The following ADAMTS17 variants were observed in gnomAD, a reference collection of about 807,000 sequenced individuals.
ADAMTS17 encodes the protein ADAM metallopeptidase with thrombospondin type 1 motif 17, also known as A disintegrin and metalloproteinase with thrombospondin motifs 17.
In ADAMTS17, 113 loss-of-function variants were observed where a neutral mutation model predicts 141.5. The ratio of observed to expected loss-of-function variants is 0.80; its 90% CI spans 0.69 to 0.93. The LOEUF is 0.93. Among genes scored for constraint, ADAMTS17 ranks in the 40% least tolerant of loss-of-function variants. The probability of loss-of-function intolerance (pLI) is 0.00; values close to 1 mark genes in which losing one functional copy is unlikely to be tolerated. For synonymous variants in ADAMTS17, 768 were observed against 630.6 expected, an observed-to-expected ratio of 1.22 and a Z score of -3.27; for missense variants, 1,659 against 1,517.9, an observed-to-expected ratio of 1.09 and a Z score of -1.54.
At chr15:100,143,913 A>G (rs2038776553) in intron 10 of ADAMTS17, among the ~76,000 whole-genome samples, 1 of 152,202 alleles carries the variant, frequency 6.6e-6, no homozygotes. Context: ...ATGAATTGCG[A>G]GTGGCAGAAG....
rs539067232 is a variant in ADAMTS17 at position 99,993,361 on chromosome 15, G to A, written c.2797-161C>T. ...AAGCTCCTGGTCTGCAGGGTCTTAC[G>A]CACGTGGTCCCAGCTGGGGCCCCAG... On this transcript the variant is annotated intron_variant, in intron 19 of 21. Coordinates refer to ENST00000268070, the MANE Select transcript of ADAMTS17 (RefSeq NM_139057.4). This position sits in a 1 kb window ranked among gnomAD's most constrained non-coding sequence, Gnocchi z 4.3. Among the ~76,000 whole-genome samples the A allele has an allele frequency of 2.7e-4, 41 of 152,292 alleles. No individual in the cohort carries two copies. The highest frequency in any genetic ancestry group is 2.1e-4 in the South Asian group (1 of 4,828).
intron 15 of ADAMTS17, among the ~76,000 whole-genome samples, chr15:100,060,078 TG>T (rs1156907445): frequency 6.6e-6 from 1 of 152,230 alleles, no homozygotes; most frequent in African/African-American, 2.4e-5. Context: ...TTTGATTTTA[TG>T]GGCAATTAAC....
rs572994891 is a variant in ADAMTS17 at position 100,108,922 on chromosome 15, T to A, written c.2016+67A>T. ...TCCTGAGACCTCTGCTCTACCCCACTCCCTGTCTGGGGAGAGTGAGTCTCC... is the reference window on the plus strand; with the variant it reads ...TCCTGAGACCTCTGCTCTACCCCACACCCTGTCTGGGGAGAGTGAGTCTCC... On this transcript the variant is annotated intron_variant, in intron 14 of 21. Transcript: ENST00000268070. The A allele has an allele frequency of 1.9e-6, 3 of 1,608,772 alleles. No individual in the cohort carries two copies. The African/African-American group carries it at 4.0e-5, about 21-fold the overall frequency.
chr15:100,199,990 G>T (rs1339118308), intron 7 of ADAMTS17, among the ~76,000 whole-genome samples: 3 of 152,232 alleles, frequency 2.0e-5, no homozygotes, highest in African/African-American at 4.8e-5. Flanking sequence ...GCCCCGGAAG[G>T]CTGCACAGAA....
intron 12 of ADAMTS17, among the ~76,000 whole-genome samples, chr15:100,118,134 A>G (rs1469375757): frequency 6.6e-6 from 1 of 152,234 alleles, no homozygotes; most frequent in East Asian, 1.9e-4. Flanking sequence ...GTTTCTGTGA[A>G]GGGCCAGATA....
At chr15:100,158,437 T>G (rs528981713) in intron 8 of ADAMTS17, among the ~76,000 whole-genome samples, 1 of 152,252 alleles carries the variant, frequency 6.6e-6, no homozygotes, top group Admixed American at 6.5e-5. Flanking sequence ...TTTCTTTAAC[T>G]GTATTTCACA....
intron 14 of ADAMTS17, among the ~76,000 whole-genome samples, chr15:100,098,514 GCACGCACCTATGGTGA>G (rs895719477): frequency 2.0e-4 from 31 of 152,122 alleles, no homozygotes; most frequent in Middle Eastern, 3.4e-3. Flanking sequence ...AGGCATGGTG[GCACGCACCTATGGTGA>G]CACGCACCTG....
intron 21 of ADAMTS17, 40 bp downstream of exon 21, chr15:99,976,005 C>T: frequency 1.3e-6 from 2 of 1,533,158 alleles, no homozygotes; most frequent in Non-Finnish European, 1.8e-6. Flanking sequence ...GCAGGAGACA[C>T]AGCAGCCCCC....
At chr15:100,281,053 G>A (rs756343077) in intron 4 of ADAMTS17, among the ~76,000 whole-genome samples, 176 bp downstream of exon 4, 3 of 152,128 alleles carry the variant, frequency 2.0e-5, no homozygotes, top group East Asian at 1.9e-4. Flanking sequence ...CTCTTCCATC[G>A]GGATGTCCCC....
chr15:100,085,381 A>G (rs1280416014), intron 15 of ADAMTS17, among the ~76,000 whole-genome samples: 1 of 137,754 alleles, frequency 7.3e-6, no homozygotes, highest in East Asian at 2.4e-4. Flanking sequence ...TGGACCTGAA[A>G]GTGACGAGGA....
intron 7 of ADAMTS17, among the ~76,000 whole-genome samples, chr15:100,247,800 T>C (rs2043032879): frequency 6.6e-6 from 1 of 152,138 alleles, no homozygotes. Flanking sequence ...CTTGGTTTCA[T>C]GGCCTCATGG....
chr15:100,066,374 C>A (rs1219886193), intron 15 of ADAMTS17, among the ~76,000 whole-genome samples: 1 of 118,616 alleles, frequency 8.4e-6, no homozygotes, highest in African/African-American at 2.9e-5. Context: ...TATGGATACA[C>A]GTCTTAGATT....
intron 7 of ADAMTS17, among the ~76,000 whole-genome samples, chr15:100,223,064 G>C (rs1234031978): frequency 2.0e-5 from 3 of 152,190 alleles, no homozygotes; most frequent in African/African-American, 7.2e-5. Context: ...AAAGATGCGG[G>C]TGCAGGAACA....
intron 18 of ADAMTS17, among the ~76,000 whole-genome samples, chr15:100,037,018 A>AT (rs1367422051): frequency 1.3e-5 from 2 of 152,196 alleles, no homozygotes; most frequent in Admixed American, 6.5e-5. Flanking sequence ...TACTATGAAC[A>AT]TTTGTGTACA....
chr15:100,098,599 G>C (rs1356136013), intron 14 of ADAMTS17, among the ~76,000 whole-genome samples: 1 of 151,562 alleles, frequency 6.6e-6, no homozygotes, highest in African/African-American at 2.4e-5. Context: ...GGAGGCGGAG[G>C]TTGCAGTGAG....
At chr15:100,009,909 T>C (rs1332972209) in intron 18 of ADAMTS17, among the ~76,000 whole-genome samples, 1 of 152,256 alleles carries the variant, frequency 6.6e-6, no homozygotes, top group Admixed American at 6.5e-5. Flanking sequence ...GAGTTTGATA[T>C]GGTTTGGCTG....
At position 100,003,045 on chromosome 15, in the gene ADAMTS17, G is replaced by A. The variant is rs184845868; in HGVS notation, c.2592-5456C>T. On this transcript the variant is annotated intron_variant, in intron 18 of 21. Coordinates refer to ENST00000268070, the MANE Select transcript of ADAMTS17 (RefSeq NM_139057.4). ...TCCCTCCTATGGTGCAATGGGCATCGCCAGATGGACTGATAAACTCTCATG... is the reference window on the plus strand; with the variant it reads ...TCCCTCCTATGGTGCAATGGGCATCACCAGATGGACTGATAAACTCTCATG... Among the ~76,000 whole-genome samples the A allele has an allele frequency of 4.3e-4, 65 of 152,136 alleles. 1 individual carries two copies. The East Asian group carries it at 0.012, about 28-fold the overall frequency.
At chr15:100,274,058 CA>C (rs1417099051) in intron 4 of ADAMTS17, among the ~76,000 whole-genome samples, 14 of 152,172 alleles carry the variant, frequency 9.2e-5, no homozygotes, top group African/African-American at 2.7e-4. Flanking sequence ...TGTATAATAT[CA>C]ACCTTTTCAA....
chr15:100,294,376 T>C (rs931178094), intron 3 of ADAMTS17, among the ~76,000 whole-genome samples: 5 of 152,202 alleles, frequency 3.3e-5, no homozygotes, highest in African/African-American at 1.2e-4. Flanking sequence ...GCAGGAGGCA[T>C]GAAATAACTT....
Sources: allele counts gnomAD v4.1 joint callset (sites outside exome capture counted in the v4.1 genomes callset), GRCh38; gene constraint gnomAD v4.1.1; non-coding constraint Gnocchi (gnomAD v3.1); transcripts MANE v1.5; gene names NCBI Gene and HGNC (gene_info 2026-07-23, HGNC 2026-07-21).